Variants in FREM3 observed in about 807,000 individuals in gnomAD.
FREM3 encodes the protein FRAS1 related extracellular matrix 3, also known as FRAS1-related extracellular matrix protein 3.
Under a neutral mutation model 129.1 loss-of-function variants are expected in FREM3, and 105 were observed. The ratio of observed to expected loss-of-function variants is 0.81; its 90% CI spans 0.69 to 0.96. The LOEUF is 0.96. Ranked by LOEUF, FREM3 falls within the 40% of genes least tolerant of loss-of-function variation. FREM3 has a pLI of 0.00. For synonymous variants in FREM3, 1,014 were observed against 1,044.9 expected (o/e 0.97, Z 0.57); for missense variants, 2,593 against 2,666.3 (o/e 0.97, Z 0.61).
chr4:143,664,506 CCT>C (rs1224491736), intron 2 of FREM3, among the ~76,000 whole-genome samples: 6 of 152,130 alleles, frequency 3.9e-5, no homozygotes, highest in African/African-American at 1.4e-4. Context: ...CTGGGGGATG[CCT>C]CCCAGTTAGG....
At chr4:143,615,961 G>T (rs1738837583) in intron 5 of FREM3, among the ~76,000 whole-genome samples, 1 of 152,212 alleles carries the variant, frequency 6.6e-6, no homozygotes, top group African/African-American at 2.4e-5. Context: ...GGCAGCAGGA[G>T]TGTGTCTGGA....
intron 6 of FREM3, among the ~76,000 whole-genome samples, chr4:143,596,249 T>C (rs553715057): frequency 6.6e-6 from 1 of 152,348 alleles, no homozygotes; most frequent in South Asian, 2.1e-4. Context: ...TTTCTGCACA[T>C]CTGTCCAGTG....
At chr4:143,579,457 A>C (rs1019365352) in intron 7 of FREM3, among the ~76,000 whole-genome samples, 1 of 152,210 alleles carries the variant, frequency 6.6e-6, no homozygotes, top group African/African-American at 2.4e-5. Context: ...TGTCTCAAAA[A>C]CAAAAACAAA....
Position 143,645,541 on chromosome 4 carries a change from T to A in FREM3, c.5276-17781A>T, listed in dbSNP as rs548598029. On this transcript the variant is annotated intron_variant, in intron 2 of 7. Coordinates refer to ENST00000329798, the MANE Select transcript of FREM3 (RefSeq NM_001168235.2). The stretch of plus-strand genomic sequence containing the variant: ...AGAGCCTTATGAGCAAAGACTAAGG[T>A]TTCCCCAGTAAGCAATCCTACCTCA... Among the ~76,000 whole-genome samples the A allele has an allele frequency of 3.9e-5, 6 of 152,216 alleles. No individual in the cohort carries two copies. In the East Asian group the frequency reaches 1.2e-3, roughly 29 times the overall value.
intron 2 of FREM3, among the ~76,000 whole-genome samples, chr4:143,680,419 T>G (rs1177925998): frequency 1.3e-5 from 2 of 152,058 alleles, no homozygotes; most frequent in Non-Finnish European, 2.9e-5. Context: ...TTGTATCATC[T>G]TCTAAGGCCC....
intron 2 of FREM3, among the ~76,000 whole-genome samples, chr4:143,670,354 C>T (rs72940258): frequency 0.073 from 11,067 of 152,102 alleles, 1,075 homozygotes; most frequent in African/African-American, 0.21. Flanking sequence ...CTTTTCACTT[C>T]TGAAGAGTTG....
intron 5 of FREM3, among the ~76,000 whole-genome samples, chr4:143,615,169 G>A (rs1168252126): frequency 6.6e-6 from 1 of 152,066 alleles, no homozygotes; most frequent in Non-Finnish European, 1.5e-5. Flanking sequence ...ACTTTATGAG[G>A]TGGCCAGGGC....
chr4:143,609,083 T>C (rs13109167), intron 6 of FREM3, among the ~76,000 whole-genome samples: 68,380 of 151,816 alleles, frequency 0.45, 15,784 homozygotes, highest in African/African-American at 0.53. Context: ...CCAATCAATC[T>C]CCTTATTTCA....
At chr4:143,693,935 T>G (rs1229223398) in intron 1 of FREM3, among the ~76,000 whole-genome samples, 3 of 151,482 alleles carry the variant, frequency 2.0e-5, no homozygotes, top group African/African-American at 7.3e-5. Context: ...CTAAGGGGAG[T>G]TCTTAAATGA....
At chr4:143,685,861 C>T (rs1740354744) in intron 2 of FREM3, among the ~76,000 whole-genome samples, 2 of 149,848 alleles carry the variant, frequency 1.3e-5, no homozygotes, top group East Asian at 2.0e-4. Context: ...CAGGGCCTGT[C>T]AGGGGGTGGG....
At chr4:143,623,535 C>T (rs934946788) in intron 4 of FREM3, among the ~76,000 whole-genome samples, 1 of 127,788 alleles carries the variant, frequency 7.8e-6, no homozygotes, top group African/African-American at 2.8e-5. Context: ...CTTCTACTTC[C>T]AAAAAAAGGG....
chr4:143,646,542 A>G (rs1739420076), intron 2 of FREM3, among the ~76,000 whole-genome samples: 1 of 152,132 alleles, frequency 6.6e-6, no homozygotes, highest in Admixed American at 6.5e-5. Context: ...AGTTCTCACA[A>G]GATCTGATGG....
intron 2 of FREM3, among the ~76,000 whole-genome samples, chr4:143,657,854 A>T (rs911232211): frequency 1.3e-5 from 2 of 152,034 alleles, no homozygotes; most frequent in African/African-American, 2.4e-5. Flanking sequence ...AGCTAAACTC[A>T]TTATTCTCTG....
chr4:143,586,388 G>T (rs1738244900), intron 6 of FREM3, among the ~76,000 whole-genome samples: 1 of 152,104 alleles, frequency 6.6e-6, no homozygotes, highest in South Asian at 2.1e-4. Context: ...GGAGAAAATT[G>T]CTCTTCCTGT....
At chr4:143,664,965 G>A (rs1226021742) in intron 2 of FREM3, among the ~76,000 whole-genome samples, 1 of 152,134 alleles carries the variant, frequency 6.6e-6, no homozygotes, top group East Asian at 1.9e-4. Context: ...GGGTGGGAGT[G>A]ACCTGATTTT....
chr4:143,694,836 G>A (rs1318679962), intron 1 of FREM3, among the ~76,000 whole-genome samples: 1 of 152,176 alleles, frequency 6.6e-6, no homozygotes, highest in Non-Finnish European at 1.5e-5. Flanking sequence ...TGTATCATGT[G>A]TGGGAAATTT....
At chr4:143,647,489 G>A (rs577709344) in intron 2 of FREM3, among the ~76,000 whole-genome samples, 2 of 152,262 alleles carry the variant, frequency 1.3e-5, no homozygotes, top group Admixed American at 1.3e-4. Flanking sequence ...AGAGGCCTAG[G>A]GGGCAAAAAT....
chr4:143,688,660 C>G (rs544660666), intron 2 of FREM3, among the ~76,000 whole-genome samples: 16 of 152,136 alleles, frequency 1.1e-4, no homozygotes, highest in Non-Finnish European at 1.9e-4. Flanking sequence ...CGGCGTGGTA[C>G]TGGTACAAAA....
intron 2 of FREM3, among the ~76,000 whole-genome samples, chr4:143,657,879 A>G (rs1274748094): frequency 6.6e-6 from 1 of 152,024 alleles, no homozygotes; most frequent in East Asian, 1.9e-4. Flanking sequence ...CATGTTGCCC[A>G]GTGCCCATGC....
Sources: gnomAD v4.1 joint callset for allele counts (sites outside exome capture counted in the v4.1 genomes callset) on GRCh38, gnomAD v4.1.1 for gene constraint, MANE v1.5 for transcripts, NCBI Gene and HGNC (gene_info 2026-07-23, HGNC 2026-07-21) for gene names.